DYNC1I1: variants seen among roughly 807,000 people sequenced by gnomAD.
DYNC1I1 encodes dynein cytoplasmic 1 intermediate chain 1.
A neutral mutation model predicts 86.6 loss-of-function variants in DYNC1I1; 43 were observed. The ratio of observed to expected loss-of-function variants is 0.50; its 90% CI spans 0.39 to 0.64. DYNC1I1 has a LOEUF of 0.64. Ranked by LOEUF, DYNC1I1 falls within the 30% of genes least tolerant of loss-of-function variation. The probability of loss-of-function intolerance (pLI) is 0.00; values close to 1 mark genes in which losing one functional copy is unlikely to be tolerated. For synonymous variants in DYNC1I1, 262 were observed against 283.7 expected (o/e 0.92, Z 0.77); for missense variants, 604 against 788.8 (o/e 0.77, Z 2.81).
chr7:95,989,566 A>G lies in DYNC1I1; in HGVS notation c.843+2411A>G, dbSNP rs116471751. Among the ~76,000 whole-genome samples, 1,149 of 152,288 alleles carry G rather than the reference A, an allele frequency of 7.5e-3. 25 individuals carry two copies. Among genetic ancestry groups the G allele is most frequent in the African/African-American group, 0.026 (1,082 of 41,558 alleles). ...TACAACCTTGTTCCCGGGTCAGCTG[A>G]TAACACTCCCTGAGGAGGCACGGGG... On this transcript the variant is annotated intron_variant, in intron 9 of 16. Coordinates refer to ENST00000447467, the MANE Select transcript of DYNC1I1 (RefSeq NM_001135556.2).
chr7:95,912,307 G>A (rs1235498154), intron 6 of DYNC1I1, among the ~76,000 whole-genome samples: 1 of 152,226 alleles, frequency 6.6e-6, no homozygotes, highest in African/African-American at 2.4e-5. Flanking sequence ...AAAGTGCTGG[G>A]ATTACAGGCT....
In DYNC1I1 at chr7:96,097,607, C is replaced by T; in HGVS notation, c.*14C>T. ...TTATCTGCCTAGTGGAAATGAGCCA[C>T]CCCCACTGCAGCCCCCACCTTTGTG... On this transcript the variant is annotated 3_prime_UTR_variant, in exon 17 of 17. Transcript: ENST00000447467. 2 of 1,613,324 alleles carry T rather than the reference C, an allele frequency of 1.2e-6. No homozygotes were observed. The highest frequency in any genetic ancestry group is 2.2e-5 in the East Asian group (1 of 44,864).
chr7:95,811,422 A>C (rs1337621469), intron 3 of DYNC1I1, among the ~76,000 whole-genome samples: 1 of 152,014 alleles, frequency 6.6e-6, no homozygotes, highest in Non-Finnish European at 1.5e-5. Context: ...TTTTATATTA[A>C]AATAAATTAT....
At chr7:96,056,758 G>GTA (rs573244102) in intron 14 of DYNC1I1, among the ~76,000 whole-genome samples, 16 of 151,600 alleles carry the variant, frequency 1.1e-4, no homozygotes, top group Non-Finnish European at 1.8e-4. Flanking sequence ...TATATAGTGT[G>GTA]TATATATATA....
At chr7:96,028,375 ATAACTC>A in intron 11 of DYNC1I1, 54 bp downstream of exon 11, 1 of 1,558,882 alleles carries the variant, frequency 6.4e-7, no homozygotes, top group Non-Finnish European at 8.7e-7. Context: ...GAAAGAGAAA[ATAACTC>A]TACTCAAAAA....
At chr7:96,034,081 T>G (rs1562979416) in intron 12 of DYNC1I1, among the ~76,000 whole-genome samples, 1 of 152,026 alleles carries the variant, frequency 6.6e-6, no homozygotes, top group Non-Finnish European at 1.5e-5. Flanking sequence ...ATGGAAACTG[T>G]GAAGAACCAA....
chr7:95,876,519 T>A (rs1387332572), intron 6 of DYNC1I1, among the ~76,000 whole-genome samples: 3 of 148,996 alleles, frequency 2.0e-5, no homozygotes, highest in Non-Finnish European at 4.4e-5. Context: ...CTATATCAAA[T>A]TCTAATCTCT....
intron 6 of DYNC1I1, among the ~76,000 whole-genome samples, chr7:95,951,388 G>T (rs148926214): frequency 6.6e-6 from 1 of 152,082 alleles, no homozygotes; most frequent in Non-Finnish European, 1.5e-5. Flanking sequence ...TCTCACAGTC[G>T]TGATAAAACA....
intron 6 of DYNC1I1, among the ~76,000 whole-genome samples, chr7:95,877,870 T>G (rs938721849): frequency 2.0e-5 from 3 of 152,322 alleles, no homozygotes; most frequent in African/African-American, 7.2e-5. Flanking sequence ...TGGCAGCAAT[T>G]AGTGAAACTG....
intron 7 of DYNC1I1, among the ~76,000 whole-genome samples, chr7:95,980,657 T>C (rs1163776076): frequency 2.0e-5 from 3 of 149,752 alleles, no homozygotes; most frequent in Non-Finnish European, 2.9e-5. Flanking sequence ...GACATCAAAG[T>C]GCATTAAACA....
At chr7:95,848,409 C>A (rs542926974) in intron 5 of DYNC1I1, among the ~76,000 whole-genome samples, 89 of 152,182 alleles carry the variant, frequency 5.8e-4, no homozygotes, top group Non-Finnish European at 1.1e-3. Context: ...GCCCCAGCCC[C>A]TGATAACCTT....
chr7:95,948,678 G>A (rs935993596), intron 6 of DYNC1I1, among the ~76,000 whole-genome samples: 1 of 152,096 alleles, frequency 6.6e-6, no homozygotes, highest in Non-Finnish European at 1.5e-5. Context: ...GATTATGTGG[G>A]AACTTTATAT....
chr7:95,888,720 A>T (rs1790661490), intron 6 of DYNC1I1, among the ~76,000 whole-genome samples: 1 of 152,182 alleles, frequency 6.6e-6, no homozygotes, highest in African/African-American at 2.4e-5. Flanking sequence ...AGGTTTCATT[A>T]TTTGCTGCTG....
At chr7:95,971,758 C>T (rs1275031177) in intron 6 of DYNC1I1, among the ~76,000 whole-genome samples, 5 of 152,154 alleles carry the variant, frequency 3.3e-5, no homozygotes, top group Non-Finnish European at 7.4e-5. Context: ...AATAATTGTG[C>T]ATCTTGCAGT....
chr7:95,942,002 G>T (rs1792238355), intron 6 of DYNC1I1, among the ~76,000 whole-genome samples: 1 of 152,068 alleles, frequency 6.6e-6, no homozygotes, highest in Admixed American at 6.6e-5. Flanking sequence ...GCTAGCAGAA[G>T]GCAAGAAATA....
At chr7:96,036,747 C>T (rs2299277) in intron 13 of DYNC1I1, among the ~76,000 whole-genome samples, 32,847 of 152,054 alleles carry the variant, frequency 0.22, 3,635 homozygotes, top group East Asian at 0.32. Context: ...GTGAGTCACA[C>T]AAACCACCAT....
chr7:96,085,179 T>C (rs1254113347), intron 16 of DYNC1I1, among the ~76,000 whole-genome samples: 1 of 152,200 alleles, frequency 6.6e-6, no homozygotes, highest in Non-Finnish European at 1.5e-5. Flanking sequence ...CCCAGCTCAG[T>C]ACCCCCATGA....
At chr7:95,990,338 T>A (rs1204291894) in intron 9 of DYNC1I1, among the ~76,000 whole-genome samples, 1 of 152,160 alleles carries the variant, frequency 6.6e-6, no homozygotes, top group Non-Finnish European at 1.5e-5. Flanking sequence ...CATTGCATCT[T>A]CCACTCCTGC....
intron 5 of DYNC1I1, among the ~76,000 whole-genome samples, chr7:95,830,555 T>C (rs1795298360): frequency 1.3e-5 from 2 of 152,202 alleles, no homozygotes; most frequent in African/African-American, 4.8e-5. Flanking sequence ...TCTATCCTTT[T>C]TATTTCATTG....
Sources: allele counts gnomAD v4.1 joint callset (sites outside exome capture counted in the v4.1 genomes callset), GRCh38; gene constraint gnomAD v4.1.1; transcripts MANE v1.5; gene names NCBI Gene and HGNC (gene_info 2026-07-23, HGNC 2026-07-21).